Variants in ABCC8 observed in about 807,000 individuals in gnomAD.
ABCC8 encodes the protein ATP binding cassette subfamily C member 8.
A neutral mutation model predicts 188.0 loss-of-function variants in ABCC8; 137 were observed. That is an observed-to-expected ratio of 0.73 (90% confidence interval 0.63 to 0.84). ABCC8 has a LOEUF of 0.84. Among genes scored for constraint, ABCC8 ranks in the 40% least tolerant of loss-of-function variants. ABCC8 has a pLI of 0.00. For missense variants in ABCC8, 1,750 were observed against 2,072.7 expected, an observed-to-expected ratio of 0.84 and a Z score of 3.02; for synonymous variants, 797 against 846.5, an observed-to-expected ratio of 0.94 and a Z score of 1.01.
intron 8 of ABCC8, among the ~76,000 whole-genome samples, chr11:17,447,788 C>T (rs774730515): frequency 6.6e-6 from 1 of 152,178 alleles, no homozygotes; most frequent in Non-Finnish European, 1.5e-5. Context: ...GACAGGGTCT[C>T]ACTTTGTTGC....
intron 16 of ABCC8, among the ~76,000 whole-genome samples, chr11:17,417,903 C>T (rs986864724): frequency 1.3e-5 from 2 of 151,620 alleles, no homozygotes; most frequent in African/African-American, 4.9e-5. Context: ...GCACGTACCA[C>T]CATGCCTGAC....
At chr11:17,434,764 T>A (rs546140435) in intron 10 of ABCC8, among the ~76,000 whole-genome samples, 66 of 152,346 alleles carry the variant, frequency 4.3e-4, no homozygotes, top group Non-Finnish European at 6.0e-4. Flanking sequence ...TAAATAAATT[T>A]AAAAATGAAC....
intron 19 of ABCC8, among the ~76,000 whole-genome samples, chr11:17,414,041 T>C (rs937121186): frequency 6.6e-6 from 1 of 152,206 alleles, no homozygotes; most frequent in African/African-American, 2.4e-5. Context: ...GAAACTTGGT[T>C]CTTCATCTGT....
At chr11:17,460,789 T>C (rs1564975405) in intron 5 of ABCC8, 113 bp from the exon 6 acceptor site, 23 of 1,544,632 alleles carry the variant, frequency 1.5e-5, no homozygotes, top group Non-Finnish European at 1.7e-5. Flanking sequence ...AGTGGTCACA[T>C]CCTCTGCAAA....
chr11:17,408,197 C>T (rs1954632285), intron 23 of ABCC8, 195 bp downstream of exon 23: 1 of 561,306 alleles, frequency 1.8e-6, no homozygotes, highest in East Asian at 2.9e-5. Flanking sequence ...CGAAGGTGCC[C>T]ACCTGATTCT....
intron 10 of ABCC8, among the ~76,000 whole-genome samples, chr11:17,434,984 C>CGCGTGTGTGTGTGTGTGT (rs71457876): frequency 6.4e-4 from 93 of 144,640 alleles, no homozygotes; most frequent in Admixed American, 1.5e-3. Context: ...CGTGTGTTCG[C>CGCGTGTGTGTGTGTGTGT]GTGTGTGTGT....
chr11:17,440,893 G>T (rs1956289246), intron 10 of ABCC8, among the ~76,000 whole-genome samples: 1 of 152,182 alleles, frequency 6.6e-6, no homozygotes, highest in South Asian at 2.1e-4. Context: ...GAGTGGGACA[G>T]CTTGGTGGCC....
At chr11:17,475,772 T>C (rs1324022112) in intron 1 of ABCC8, among the ~76,000 whole-genome samples, 1 of 152,260 alleles carries the variant, frequency 6.6e-6, no homozygotes, top group South Asian at 2.1e-4. Context: ...CAAAGCTGTA[T>C]ATGAATTTTA....
chr11:17,424,484 C>T (rs1955495989), intron 16 of ABCC8, among the ~76,000 whole-genome samples: 1 of 152,106 alleles, frequency 6.6e-6, no homozygotes, highest in Non-Finnish European at 1.5e-5. Context: ...TGAGGCAGGG[C>T]AGAGCAGACC....
rs147115603 is a variant in ABCC8, at chr11:17,425,474, G to A, written c.2222+1575C>T. Among the ~76,000 whole-genome samples, 440 of 152,310 alleles carry A rather than the reference G, an allele frequency of 2.9e-3. 2 individuals are homozygous for A. Among genetic ancestry groups the A allele is most frequent in the Non-Finnish European group, 2.8e-3 (191 of 68,024 alleles). Reference sequence around the variant, plus strand: ...CCCCTAGAAATGATTGGTAGGGAAAGCTTGCCCTTCTGCTGATTGGCTGCA... The same window carrying A: ...CCCCTAGAAATGATTGGTAGGGAAAACTTGCCCTTCTGCTGATTGGCTGCA... On this transcript the variant is annotated intron_variant, in intron 16 of 38. Transcript: ENST00000389817.
Position 17,461,651 on chromosome 11 carries a change from T to G in ABCC8, c.754A>C (p.Lys252Gln). ...KKPIDLRAIG[K>Q]LPIAMRALTN... is the part of the protein sequence containing the mutation. The stretch of plus-strand genomic sequence containing the variant: ...AGGGCCCTCATGGCGATGGGCAGCT[T>G]CCCGATGGCTCGCAAGTCGATGGGC... Residue 252 changes from lysine to glutamine, a missense_variant, in exon 5 of 39, where the codon AAG (lysine) becomes CAG (glutamine). Lys to Gln is a moderately conservative substitution (Grantham distance 53, BLOSUM62 1). Transcript: ENST00000389817. 1.2e-6 allele frequency: 2 copies of G among 1,614,202 alleles called. No individual in the cohort carries two copies. Among genetic ancestry groups the G allele is most frequent in the Non-Finnish European group, 1.7e-6 (2 of 1,180,036 alleles).
At chr11:17,393,819 C>T in intron 37 of ABCC8, 60 bp from the exon 38 acceptor site, 1 of 1,613,946 alleles carries the variant, frequency 6.2e-7, no homozygotes, top group East Asian at 2.2e-5. Flanking sequence ...TCTGGCCTGG[C>T]TTGGGGGATG....
chr11:17,420,599 C>T (rs1191531705), intron 16 of ABCC8, among the ~76,000 whole-genome samples: 2 of 152,128 alleles, frequency 1.3e-5, no homozygotes, highest in African/African-American at 4.8e-5. Context: ...CCTGGGGAAT[C>T]AGGGCTCTTG....
At chr11:17,474,677 C>A (rs2133727445) in intron 2 of ABCC8, among the ~76,000 whole-genome samples, 1 of 152,256 alleles carries the variant, frequency 6.6e-6, no homozygotes, top group South Asian at 2.1e-4. Flanking sequence ...CGTGTTCCCT[C>A]TGCTCTCCTG....
intron 19 of ABCC8, 86 bp from the exon 20 acceptor site, chr11:17,413,564 T>TA: frequency 6.2e-7 from 1 of 1,611,530 alleles, no homozygotes; most frequent in Non-Finnish European, 8.5e-7. Flanking sequence ...AGTCTCTGGG[T>TA]AGCTATGCCC....
rs758462294 is a variant in ABCC8, at chr11:17,412,721, C to T, written c.2501G>A (p.Arg834His). The T allele has an allele frequency of 2.1e-5, 34 of 1,611,300 alleles. No individual in the cohort carries two copies. The highest frequency in any genetic ancestry group is 6.7e-5 in the Admixed American group (4 of 59,762). The change falls in exon 21 of 39, where the codon CGC becomes CAC. Residue 834 changes from arginine to histidine, a missense_variant. By Grantham distance (29) the Arg-to-His change is conservative. Transcript: ENST00000389817. The part of the protein sequence containing the change: ...ERGINLSGGQ[R>H]QRISVARALY... ...GGCTCGGGCCACACTGATTCGCTGG[C>T]GTTGACCACCAGACAGGTTGATGCC...
At chr11:17,465,249 G>C (rs1285916429) in intron 3 of ABCC8, 1 of 152,266 alleles carries the variant, frequency 6.6e-6, no homozygotes, top group Non-Finnish European at 1.5e-5. Context: ...TTCTATCCCA[G>C]GCATCAGAAG....
Position 17,427,796 on chromosome 11 carries a change from T to G in ABCC8, c.2116+71A>C, listed in dbSNP as rs1263030190. Reference sequence around the variant, plus strand: ...AGTAGGTGCTCAATAAATGCAGCTTTGTCTTTTTATCTCTATGTTATTCAG... The same window carrying G: ...AGTAGGTGCTCAATAAATGCAGCTTGGTCTTTTTATCTCTATGTTATTCAG... On this transcript the variant is annotated intron_variant, in intron 15 of 38. Coordinates refer to ENST00000389817, the MANE Select transcript of ABCC8 (RefSeq NM_000352.6). The surrounding 1 kb of genome is among the most constrained non-coding windows in gnomAD (Gnocchi z 5.0). 9 of 1,578,972 alleles carry G rather than the reference T, an allele frequency of 5.7e-6. No individual in the cohort carries two copies. The East Asian group carries it at 1.1e-4, about 20-fold the overall frequency.
intron 21 of ABCC8, among the ~76,000 whole-genome samples, chr11:17,411,075 G>C (rs1287316348): frequency 6.6e-6 from 1 of 152,118 alleles, no homozygotes; most frequent in Non-Finnish European, 1.5e-5. Flanking sequence ...CCTCTGCCTG[G>C]AGTGCTGCTC....
Sources: allele counts gnomAD v4.1 joint callset (sites outside exome capture counted in the v4.1 genomes callset), GRCh38; gene constraint gnomAD v4.1.1; non-coding constraint Gnocchi (gnomAD v3.1); transcripts MANE v1.5; gene names NCBI Gene and HGNC (gene_info 2026-07-23, HGNC 2026-07-21).